Variants in AXDND1 observed in about 807,000 individuals in gnomAD.
The protein encoded by AXDND1 is axonemal dynein light chain domain-containing protein 1.
AXDND1 carries 110 observed loss-of-function variants against 137.5 expected under a neutral mutation model. The ratio of observed to expected loss-of-function variants is 0.80; its 90% confidence interval spans 0.69 to 0.94. The LOEUF (loss-of-function observed/expected upper bound fraction) is 0.94, where lower values mean the gene tolerates loss of function less well. Among genes scored for constraint, AXDND1 ranks in the 40% least tolerant of loss-of-function variants. The pLI is 0.00. For missense variants in AXDND1, 1,191 were observed against 1,169.8 expected (o/e 1.02, Z -0.26); for synonymous variants, 414 against 399.7 (o/e 1.04, Z -0.43).
Position 179,398,414 on chromosome 1 carries a change from G to A in AXDND1, c.1109+3212G>A, listed in dbSNP as rs987611242. ...ACTGGTCACTACACTCTGTTGGGTG[G>A]TGTCAGCCAAAGCCTTTCATAGTGC... On this transcript the variant is annotated intron_variant, in intron 11 of 25. Transcript: ENST00000367618. 3.3e-5 allele frequency among the ~76,000 whole-genome samples: 5 copies of A among 152,204 alleles called. No homozygotes were observed. The East Asian group carries it at 7.7e-4, about 24-fold the overall frequency.
At chr1:179,392,258 G>A (rs1002191830) in intron 9 of AXDND1, among the ~76,000 whole-genome samples, 5 of 152,134 alleles carry the variant, frequency 3.3e-5, no homozygotes, top group African/African-American at 1.2e-4. Flanking sequence ...ACTTCATTTA[G>A]AATAATGGTC....
At position 179,491,550 on chromosome 1, in the gene AXDND1, C is replaced by T. The variant is rs773456206; in HGVS notation, c.2104C>T (p.His702Tyr). ...IELQHHMDEL[H>Y]ISMIQWMVNL... ...CATTTTTTAACAGATGGATGAGTTA[C>T]ATATATCTATGATCCAGTGGATGGT... is the stretch of plus-strand genomic sequence containing the variant. The change falls in exon 19 of 26, where the codon CAT becomes TAT. Residue 702 changes from histidine (H) to tyrosine (Y), a missense_variant. By Grantham distance (83) the His-to-Tyr change is moderately conservative (BLOSUM62 2). Coordinates refer to ENST00000367618, the MANE Select transcript of AXDND1 (RefSeq NM_144696.6). The T allele has an allele frequency of 2.6e-5, 41 of 1,602,872 alleles. No homozygotes were observed. Among genetic ancestry groups the T allele is most frequent in the Non-Finnish European group, 3.5e-5 (41 of 1,170,648 alleles).
intron 11 of AXDND1, among the ~76,000 whole-genome samples, chr1:179,400,100 A>G (rs1449290203): frequency 6.6e-6 from 1 of 152,218 alleles, no homozygotes; most frequent in African/African-American, 2.4e-5. Flanking sequence ...AGAAGTCATT[A>G]TATGAAAAAG....
rs772150973 is a variant in AXDND1, at chr1:179,411,243, G to C, written c.1207G>C (p.Ala403Pro). Reference protein sequence around the residue: ...LVAERDIWSSATYELALKVIE... With the variant: ...LVAERDIWSSPTYELALKVIE... ...GGCAGAAAGAGATATCTGGAGCTCAGCCACATATGAATTGGCCCTGAAGGT... is the reference window on the plus strand; with the variant it reads ...GGCAGAAAGAGATATCTGGAGCTCACCCACATATGAATTGGCCCTGAAGGT... The change falls in exon 12 of 26, where the codon GCC becomes CCC. Residue 403 changes from alanine (A) to proline (P), a missense_variant. Coordinates refer to ENST00000367618, the MANE Select transcript of AXDND1 (RefSeq NM_144696.6). 4.3e-6 allele frequency: 7 copies of C among 1,611,598 alleles called. No homozygotes were observed. In the South Asian group the frequency reaches 7.8e-5, roughly 18 times the overall value.
intron 11 of AXDND1, among the ~76,000 whole-genome samples, chr1:179,410,335 A>C (rs977523998): frequency 1.3e-5 from 2 of 152,112 alleles, no homozygotes; most frequent in Non-Finnish European, 2.9e-5. Context: ...GGTTCAAGCA[A>C]TTCTCCTGCC....
intron 20 of AXDND1, among the ~76,000 whole-genome samples, chr1:179,502,214 T>C (rs1211303701): frequency 6.6e-6 from 1 of 152,230 alleles, no homozygotes; most frequent in Non-Finnish European, 1.5e-5. Context: ...CTCAATTTCA[T>C]AAGTGATCAG....
At position 179,508,092 on chromosome 1, in the gene AXDND1, A is replaced by G. The variant is rs566963059; in HGVS notation, c.2389-1204A>G. Among the ~76,000 whole-genome samples the G allele has an allele frequency of 1.6e-4, 25 of 152,314 alleles. 1 individual carries two copies. In the South Asian group the frequency reaches 2.5e-3, roughly 15 times the overall value. ...AATTTAAAAGAAATCTGGGCCAGGT[A>G]CAGTGGCTCATGCCTGTAATCCCAG... On this transcript the variant is annotated intron_variant, in intron 20 of 25. Transcript: ENST00000367618.
In AXDND1 at chr1:179,455,887, G is replaced by C. The variant is rs1366043360; in HGVS notation, c.1798+10683G>C. 4 of 193,708 alleles carry C rather than the reference G, an allele frequency of 2.1e-5. No homozygotes were observed. In the East Asian group the frequency reaches 4.3e-4, roughly 21 times the overall value. 12.0% of individuals were successfully genotyped at this position (193,708 alleles called of 1,614,324 possible). The stretch of plus-strand genomic sequence containing the variant: ...GACATAGTTTGTTTTGTTTTGTTTT[G>C]TTTTTAAAGACATTTATTCAGCATC... On this transcript the variant is annotated intron_variant, in intron 16 of 25. Coordinates refer to ENST00000367618, the MANE Select transcript of AXDND1 (RefSeq NM_144696.6).
intron 9 of AXDND1, among the ~76,000 whole-genome samples, chr1:179,390,488 G>GA (rs533289419): frequency 1.3e-5 from 2 of 151,936 alleles, no homozygotes; most frequent in Non-Finnish European, 2.9e-5. Flanking sequence ...TTGTCAATTT[G>GA]AAAAAATGGC....
intron 15 of AXDND1, among the ~76,000 whole-genome samples, chr1:179,441,577 CT>C (rs1658993388): frequency 9.2e-5 from 14 of 152,242 alleles, no homozygotes; most frequent in Admixed American, 9.2e-4. Context: ...TATGAGGAAT[CT>C]GACGCTTCAC....
chr1:179,405,383 C>T (rs984513723), intron 11 of AXDND1, among the ~76,000 whole-genome samples: 2 of 152,124 alleles, frequency 1.3e-5, no homozygotes, highest in African/African-American at 2.4e-5. Context: ...AGTAAACATA[C>T]GTGTGCATGT....
intron 21 of AXDND1, among the ~76,000 whole-genome samples, chr1:179,522,394 G>C (rs1053742455): frequency 6.6e-6 from 1 of 151,966 alleles, no homozygotes; most frequent in African/African-American, 2.4e-5. Flanking sequence ...CTTTAAATAG[G>C]TTAAGTATAA....
intron 12 of AXDND1, among the ~76,000 whole-genome samples, chr1:179,417,366 T>A (rs975050336): frequency 6.6e-6 from 1 of 152,202 alleles, no homozygotes; most frequent in Non-Finnish European, 1.5e-5. Context: ...TTGCTTTTTC[T>A]TTCTTTTTGC....
chr1:179,548,740 A>T (rs570823122), intron 25 of AXDND1: 1 of 152,310 alleles, frequency 6.6e-6, no homozygotes, highest in Non-Finnish European at 1.5e-5. Context: ...TGGCAGAATG[A>T]CCTGCTGAGC....
intron 14 of AXDND1, among the ~76,000 whole-genome samples, chr1:179,431,059 G>A (rs1056862711): frequency 1.3e-5 from 2 of 152,168 alleles, no homozygotes; most frequent in African/African-American, 4.8e-5. Context: ...TAGTTAAGTT[G>A]AGGTCAGATG....
chr1:179,407,994 A>C (rs996669158), intron 11 of AXDND1, among the ~76,000 whole-genome samples: 1 of 152,200 alleles, frequency 6.6e-6, no homozygotes. Context: ...TTTTTTCAAA[A>C]GACCTGTCTT....
At chr1:179,376,473 A>G (rs1379424883) in intron 4 of AXDND1, among the ~76,000 whole-genome samples, 1 of 152,194 alleles carries the variant, frequency 6.6e-6, no homozygotes, top group African/African-American at 2.4e-5. Flanking sequence ...GTGTTGTTCA[A>G]GGGTCAACTA....
intron 4 of AXDND1, among the ~76,000 whole-genome samples, chr1:179,376,072 G>C (rs1192916190): frequency 6.6e-6 from 1 of 152,136 alleles, no homozygotes; most frequent in Non-Finnish European, 1.5e-5. Context: ...AACTGTTATA[G>C]TCATTCTAAA....
chr1:179,468,192 C>T (rs138809885), intron 16 of AXDND1, among the ~76,000 whole-genome samples: 1,714 of 152,142 alleles, frequency 0.011, 16 homozygotes, highest in Non-Finnish European at 0.016. Flanking sequence ...GCTGAAAAGA[C>T]AAGAAATGTA....
Sources: gnomAD v4.1 joint callset for allele counts (sites outside exome capture counted in the v4.1 genomes callset) on GRCh38, gnomAD v4.1.1 for gene constraint, MANE v1.5 for transcripts, NCBI Gene and HGNC (gene_info 2026-07-23, HGNC 2026-07-21) for gene names.